MEF2C: variants seen among roughly 807,000 people sequenced by gnomAD.
The protein encoded by MEF2C is myocyte enhancer factor 2C.
A neutral mutation model predicts 50.5 loss-of-function variants in MEF2C; 6 were observed. The observed-to-expected ratio is 0.12, with a 90% CI of 0.07 to 0.23. MEF2C has a LOEUF of 0.23. Ranked by LOEUF, MEF2C falls within the 10% of genes least tolerant of loss-of-function variation. The pLI is 1.00. For synonymous variants in MEF2C, 183 were observed against 228.0 expected (o/e 0.80, Z 1.78); for missense variants, 276 against 605.0 (o/e 0.46, Z 5.70).
Position 88,869,280 on chromosome 5 carries a change from T to C in MEF2C, c.-143+13675A>G, listed in dbSNP as rs199853569. 6.6e-3 allele frequency among the ~76,000 whole-genome samples: 491 copies of C among 73,914 alleles called. 4 individuals carry two copies. The highest frequency in any genetic ancestry group is 0.028 in the African/African-American group (348 of 12,346). 48.5% of individuals were successfully genotyped at this position (73,914 alleles called of 152,430 possible). The stretch of plus-strand genomic sequence containing the variant: ...ATATATATATATATATATATATACA[T>C]ATATATATATATATACACATATATA... On this transcript the variant is annotated intron_variant, in intron 1 of 10. Transcript: ENST00000504921.
chr5:88,891,298 G>T (rs1034755370), intron 1 of MEF2C, among the ~76,000 whole-genome samples: 19 of 151,106 alleles, frequency 1.3e-4, no homozygotes, highest in African/African-American at 4.6e-4. Flanking sequence ...TTTTAGCAAA[G>T]CATAATCTTT....
chr5:88,742,362 A>T (rs1277814220), intron 6 of MEF2C: 2 of 984,956 alleles, frequency 2.0e-6, no homozygotes, highest in Non-Finnish European at 2.4e-6. Context: ...CAAATTCTGA[A>T]TAAAACTAGT....
At chr5:88,824,963 CA>C (rs1047326381) in intron 1 of MEF2C, 1 of 151,962 alleles carries the variant, frequency 6.6e-6, no homozygotes, top group Admixed American at 6.6e-5. Context: ...AACAAGAAAG[CA>C]TTCCACAATG....
chr5:88,780,880 T>C (rs1470704751), intron 3 of MEF2C: 7 of 985,200 alleles, frequency 7.1e-6, no homozygotes, highest in Non-Finnish European at 7.2e-6. Flanking sequence ...TTTCACTTTC[T>C]CTCTCATTGT....
intron 1 of MEF2C, among the ~76,000 whole-genome samples, chr5:88,899,777 T>C (rs1006303560): frequency 6.6e-6 from 1 of 152,142 alleles, no homozygotes; most frequent in Non-Finnish European, 1.5e-5. Context: ...TTATTACATA[T>C]TGTTAAATGG....
intron 6 of MEF2C, chr5:88,738,753 T>C (rs867133860): frequency 1.9e-5 from 19 of 985,208 alleles, no homozygotes; most frequent in South Asian, 4.7e-5. Flanking sequence ...ATGTGCAAGT[T>C]TGAGGGACAT....
At chr5:88,780,799 T>C in intron 3 of MEF2C, 1 of 985,480 alleles carries the variant, frequency 1.0e-6, no homozygotes, top group Non-Finnish European at 1.2e-6. Flanking sequence ...TTATCCTTGC[T>C]AATTACTTCC....
intron 6 of MEF2C, among the ~76,000 whole-genome samples, chr5:88,744,692 T>G (rs1460956825): frequency 1.3e-5 from 2 of 152,228 alleles, no homozygotes; most frequent in African/African-American, 4.8e-5. Context: ...TGTTACTAAC[T>G]AATGTATTAT....
intron 4 of MEF2C, 26 bp downstream of exon 4, chr5:88,761,159 A>C: frequency 6.2e-7 from 1 of 1,614,028 alleles, no homozygotes; most frequent in Non-Finnish European, 8.5e-7. Context: ...AGAGTAAAAA[A>C]AATGAAGGGT....
chr5:88,733,706 T>A, intron 6 of MEF2C: 1 of 985,304 alleles, frequency 1.0e-6, no homozygotes, highest in Non-Finnish European at 1.2e-6. Context: ...ATAAACAGGC[T>A]GAATATATAA....
intron 1 of MEF2C, among the ~76,000 whole-genome samples, chr5:88,859,619 T>G (rs573350977): frequency 6.6e-6 from 1 of 152,246 alleles, no homozygotes; most frequent in Non-Finnish European, 1.5e-5. Flanking sequence ...GTTATATAAC[T>G]GCTACAACCT....
chr5:88,854,547 T>G (rs1293966892), intron 1 of MEF2C, among the ~76,000 whole-genome samples: 1 of 152,192 alleles, frequency 6.6e-6, no homozygotes, highest in African/African-American at 2.4e-5. Context: ...GTGGAAATAC[T>G]TCATCAACTA....
At chr5:88,764,365 T>C (rs2152706389) in intron 3 of MEF2C, among the ~76,000 whole-genome samples, 1 of 152,274 alleles carries the variant, frequency 6.6e-6, no homozygotes, top group South Asian at 2.1e-4. Context: ...TGGTCCAAGG[T>C]CAGTCAACGA....
intron 3 of MEF2C, among the ~76,000 whole-genome samples, chr5:88,791,472 C>G (rs2152965972): frequency 6.6e-6 from 1 of 152,184 alleles, no homozygotes; most frequent in East Asian, 1.9e-4. Flanking sequence ...TCACTGTGTT[C>G]ATACTAATGC....
At chr5:88,832,654 T>G (rs1813522833) in intron 1 of MEF2C, among the ~76,000 whole-genome samples, 1 of 152,146 alleles carries the variant, frequency 6.6e-6, no homozygotes, top group Non-Finnish European at 1.5e-5. Context: ...GTATGAAGAT[T>G]TGATCCATAG....
chr5:88,810,692 G>T (rs1190432698), intron 2 of MEF2C, among the ~76,000 whole-genome samples: 3 of 152,124 alleles, frequency 2.0e-5, no homozygotes, highest in Admixed American at 6.6e-5. Context: ...CGACTTAATT[G>T]ATCAATGTTA....
At chr5:88,781,832 G>T (rs565591992) in intron 3 of MEF2C, among the ~76,000 whole-genome samples, 1 of 152,146 alleles carries the variant, frequency 6.6e-6, no homozygotes, top group African/African-American at 2.4e-5. Context: ...AATTAGCCAG[G>T]TGTGGTGGCA....
At chr5:88,887,131 A>G (rs79860231), upstream of MEF2C, among the ~76,000 whole-genome samples, 1 of 152,372 alleles carries the variant, frequency 6.6e-6, no homozygotes, top group African/African-American at 2.4e-5. Context: ...CTCAGCCAGA[A>G]TACTTTTAAC....
chr5:88,733,389 C>A (rs976669348), intron 6 of MEF2C: 1 of 982,878 alleles, frequency 1.0e-6, no homozygotes, highest in Admixed American at 6.2e-5. Context: ...GCTAAAAGTC[C>A]TTGGGTTTAT....
Sources: allele counts gnomAD v4.1 joint callset (sites outside exome capture counted in the v4.1 genomes callset), GRCh38; gene constraint gnomAD v4.1.1; transcripts MANE v1.5; gene names NCBI Gene and HGNC (gene_info 2026-07-23, HGNC 2026-07-21).